ZNF618: variants seen among roughly 807,000 people sequenced by gnomAD.
ZNF618 encodes zinc finger protein 618, also known as neural precursor cell expressed, developmentally down-regulated 10.
A neutral mutation model predicts 103.0 loss-of-function variants in ZNF618; 34 were observed. The ratio of observed to expected loss-of-function variants is 0.33; its 90% CI spans 0.25 to 0.44. The LOEUF is 0.44. Among genes scored for constraint, ZNF618 ranks in the 20% least tolerant of loss-of-function variants. ZNF618 has a pLI of 1.00. For missense variants in ZNF618, 1,059 were observed against 1,295.4 expected, an observed-to-expected ratio of 0.82 and a Z score of 2.80; for synonymous variants, 551 against 542.2, an observed-to-expected ratio of 1.02 and a Z score of -0.23.
chr9:113,924,911 T>G (rs925573522), intron 1 of ZNF618, among the ~76,000 whole-genome samples: 1 of 152,052 alleles, frequency 6.6e-6, no homozygotes, highest in Admixed American at 6.5e-5. Context: ...TCTGTTCTTT[T>G]AATCTCGTTA....
At chr9:113,959,568 C>A (rs1369019871) in intron 1 of ZNF618, among the ~76,000 whole-genome samples, 1 of 152,168 alleles carries the variant, frequency 6.6e-6, no homozygotes, top group Non-Finnish European at 1.5e-5. Context: ...AGGCTGCTGC[C>A]TTTACCTCTC....
At chr9:114,042,720 C>G (rs543145989) in intron 13 of ZNF618, among the ~76,000 whole-genome samples, 2 of 152,130 alleles carry the variant, frequency 1.3e-5, no homozygotes, top group African/African-American at 4.8e-5. Context: ...GTCCCAGCTA[C>G]TTAGGAGGCT....
At chr9:113,951,465 A>G (rs1352373193) in intron 1 of ZNF618, among the ~76,000 whole-genome samples, 1 of 62,370 alleles carries the variant, frequency 1.6e-5, no homozygotes, top group Non-Finnish European at 3.4e-5. Context: ...ATATACATAT[A>G]TGTGTGTATG....
At chr9:114,045,792 T>C (rs1845603406) in intron 13 of ZNF618, among the ~76,000 whole-genome samples, 1 of 151,916 alleles carries the variant, frequency 6.6e-6, no homozygotes, top group South Asian at 2.1e-4. Flanking sequence ...GTGTTTAATC[T>C]AGATGAGTTG....
chr9:113,915,727 AAGG>A (rs968525302), intron 1 of ZNF618, among the ~76,000 whole-genome samples: 1 of 151,892 alleles, frequency 6.6e-6, no homozygotes, highest in Non-Finnish European at 1.5e-5. Flanking sequence ...GGAAGGAGGA[AAGG>A]AGGGAGGGAT....
intron 13 of ZNF618, 63 bp from the exon 14 acceptor site, chr9:114,047,830 A>G (rs984960526): frequency 4.3e-5 from 61 of 1,424,544 alleles, no homozygotes; most frequent in Non-Finnish European, 5.1e-5. Context: ...TCTAGTTCTC[A>G]TCTCGTTCCT....
chr9:113,892,790 C>A lies in ZNF618; in HGVS notation c.33+16377C>A, dbSNP rs576123569. 2.6e-5 allele frequency among the ~76,000 whole-genome samples: 4 copies of A among 152,274 alleles called. No individual in the cohort carries two copies. In the East Asian group the frequency reaches 7.7e-4, roughly 29 times the overall value. The stretch of plus-strand genomic sequence containing the variant: ...TGGTTTAAAGGAGGGACATAGGGAT[C>A]AGGCTCTATTTTTTCCCAAATGGTG... On this transcript the variant is annotated intron_variant, in intron 1 of 14. Transcript: ENST00000374126.
intron 9 of ZNF618, 60 bp from the exon 10 acceptor site, chr9:114,016,635 T>C: frequency 7.2e-7 from 1 of 1,387,370 alleles, no homozygotes; most frequent in South Asian, 1.2e-5. Flanking sequence ...GGGAGCACGC[T>C]GATGCTTCTT....
At chr9:113,900,652 G>A (rs1055260461) in intron 1 of ZNF618, among the ~76,000 whole-genome samples, 7 of 148,144 alleles carry the variant, frequency 4.7e-5, no homozygotes, top group African/African-American at 1.5e-4. Flanking sequence ...CCGAGCTCCC[G>A]TCTCCTAGCA....
intron 2 of ZNF618, among the ~76,000 whole-genome samples, chr9:113,977,642 A>C (rs1387649087): frequency 6.6e-6 from 1 of 152,160 alleles, no homozygotes; most frequent in Non-Finnish European, 1.5e-5. Flanking sequence ...GTACATTGCT[A>C]ATTGGTCAGA....
chr9:113,986,623 C>T (rs1381055951), intron 2 of ZNF618, among the ~76,000 whole-genome samples: 2 of 152,038 alleles, frequency 1.3e-5, no homozygotes, highest in Non-Finnish European at 2.9e-5. Context: ...TCATGAAGGC[C>T]CCTCCAGTGT....
chr9:114,036,276 T>TG, intron 12 of ZNF618, 24 bp from the exon 13 acceptor site: 5 of 1,556,958 alleles, frequency 3.2e-6, no homozygotes, highest in Non-Finnish European at 3.5e-6. Context: ...ACCCCTCACG[T>TG]GGCTGCCGCA....
chr9:113,918,174 G>A (rs7852787), intron 1 of ZNF618, among the ~76,000 whole-genome samples: 61,066 of 151,888 alleles, frequency 0.4, 13,611 homozygotes, highest in Non-Finnish European at 0.51. Flanking sequence ...GTAGGATGAC[G>A]GAGGGTATGC....
intron 1 of ZNF618, among the ~76,000 whole-genome samples, chr9:113,959,388 C>A (rs577494209): frequency 5.3e-4 from 80 of 152,300 alleles, no homozygotes; most frequent in Middle Eastern, 3.4e-3. Context: ...ACTTTCTGAT[C>A]CTGCCCAGCT....
intron 4 of ZNF618, among the ~76,000 whole-genome samples, chr9:114,000,052 G>A (rs919120059): frequency 6.6e-6 from 1 of 152,146 alleles, no homozygotes; most frequent in Admixed American, 6.5e-5. Context: ...TCTCATCTTT[G>A]TCCTCCACGT....
rs1383617938 is a variant in ZNF618 at position 113,951,434 on chromosome 9, T to TGTGTACAC, written c.34-17683_34-17682insGTGTACAC. Among the ~76,000 whole-genome samples the TGTGTACAC allele has an allele frequency of 3.6e-4, 27 of 75,810 alleles. 5 individuals carry two copies. The highest frequency in any genetic ancestry group is 9.8e-4 in the African/African-American group (18 of 18,276). 49.7% of individuals were successfully genotyped at this position (75,810 alleles called of 152,430 possible). On this transcript the variant is annotated intron_variant, in intron 1 of 14. Transcript: ENST00000374126. The stretch of plus-strand genomic sequence containing the variant: ...ATACACACATATATGTGTGTGTGTA[T>TGTGTACAC]ATATATACATATATGTGTATATATA...
intron 12 of ZNF618, chr9:114,035,048 C>G (rs943098874): frequency 1.5e-5 from 7 of 477,368 alleles, no homozygotes; most frequent in Non-Finnish European, 1.9e-5. Context: ...CAACCCCACC[C>G]CAGATTGTGA....
chr9:113,971,555 C>T (rs1179870463), intron 2 of ZNF618, among the ~76,000 whole-genome samples: 3 of 152,142 alleles, frequency 2.0e-5, no homozygotes, highest in Admixed American at 6.5e-5. Flanking sequence ...CGAAGTACTT[C>T]GTGAATGAAG....
chr9:113,965,233 T>C (rs1238099085), intron 1 of ZNF618, among the ~76,000 whole-genome samples: 2 of 152,198 alleles, frequency 1.3e-5, no homozygotes, highest in African/African-American at 4.8e-5. Flanking sequence ...TGCCTGTTTC[T>C]GCCATTTGCA....
Sources: allele counts gnomAD v4.1 joint callset (sites outside exome capture counted in the v4.1 genomes callset), GRCh38; gene constraint gnomAD v4.1.1; transcripts MANE v1.5; gene names NCBI Gene and HGNC (gene_info 2026-07-23, HGNC 2026-07-21).